The following CHAF1A variants were observed in gnomAD, a reference collection of about 807,000 sequenced individuals.
CHAF1A encodes the protein CAF-1 subunit A.
Under a neutral mutation model 93.2 loss-of-function variants are expected in CHAF1A, and 5 were observed. The ratio of observed to expected loss-of-function variants is 0.05; its 90% CI spans 0.03 to 0.11. CHAF1A has a LOEUF of 0.11. Ranked by LOEUF, CHAF1A falls within the 10% of genes least tolerant of loss-of-function variation. The probability of loss-of-function intolerance (pLI) is 1.00; values close to 1 mark genes in which losing one functional copy is unlikely to be tolerated. For synonymous variants in CHAF1A, 504 were observed against 510.3 expected, an observed-to-expected ratio of 0.99 and a Z score of 0.17; for missense variants, 1,102 against 1,259.9, an observed-to-expected ratio of 0.87 and a Z score of 1.90.
At chr19:4,447,468 C>G (rs571808725), downstream of CHAF1A, 5 of 1,493,780 alleles carry the variant, frequency 3.3e-6, no homozygotes, top group South Asian at 4.5e-5. Flanking sequence ...AGCCCACCGC[C>G]TGGTGTGGGC....
Position 4,433,223 on chromosome 19 carries a change from C to G in CHAF1A, c.2357C>G (p.Pro786Arg), listed in dbSNP as rs148090075. The G allele has an allele frequency of 3.1e-6, 5 of 1,614,184 alleles. No individual in the cohort carries two copies. The Admixed American group carries it at 6.7e-5, about 22-fold the overall frequency. The change falls in exon 13 of 15, where the codon CCC becomes CGC. Residue 786 changes from proline (P) to arginine (R), a missense_variant. By Grantham distance (103) the Pro-to-Arg change is moderately radical (BLOSUM62 -2). Coordinates refer to ENST00000301280, the MANE Select transcript of CHAF1A (RefSeq NM_005483.3). The surrounding 1 kb of genome is among the most constrained non-coding windows in gnomAD (Gnocchi z 5.6). ...PSTTYLHTPT[P>R]SEDAAIPSKS... is the part of the protein sequence containing the mutation. The stretch of plus-strand genomic sequence containing the variant: ...ACCACCTACCTGCACACCCCCACCC[C>G]CAGCGAGGATGCCGCCATCCCCTCT...
At chr19:4,406,337 G>C (rs114887306) in intron 2 of CHAF1A, among the ~76,000 whole-genome samples, 4 of 152,302 alleles carry the variant, frequency 2.6e-5, no homozygotes, top group South Asian at 4.1e-4. Flanking sequence ...CCCCCTCAGA[G>C]AACCACTGTT....
chr19:4,448,738 T>A, downstream of CHAF1A: 1 of 339,264 alleles, frequency 2.9e-6, no homozygotes. Context: ...TCGACCTCAG[T>A]GCTGAGATCC....
intron 4 of CHAF1A, among the ~76,000 whole-genome samples, chr19:4,420,821 C>T (rs1412783258): frequency 6.6e-6 from 1 of 152,098 alleles, no homozygotes; most frequent in Non-Finnish European, 1.5e-5. Flanking sequence ...GCCTGTAATC[C>T]TAGCACTTTG....
chr19:4,423,932 G>A, intron 7 of CHAF1A, 58 bp downstream of exon 7: 2 of 1,502,742 alleles, frequency 1.3e-6, no homozygotes. Flanking sequence ...TTTCCTTTCT[G>A]AAAGTGAAAG....
chr19:4,421,044 G>T (rs1427073077), intron 4 of CHAF1A, among the ~76,000 whole-genome samples: 3 of 152,130 alleles, frequency 2.0e-5, no homozygotes, highest in African/African-American at 7.2e-5. Flanking sequence ...TCCAGCCTGG[G>T]CACTAGAATG....
In CHAF1A at chr19:4,433,482, G is replaced by C; in HGVS notation, c.2616G>C (p.Lys872Asn). The C allele has an allele frequency of 6.3e-7, 1 of 1,596,950 alleles. No individual in the cohort carries two copies. The highest frequency in any genetic ancestry group is 8.6e-7 in the Non-Finnish European group (1 of 1,166,160). ...GCACTCCCATCTCGCTGAAGAGGAA[G>C]TCAGCGGGCAGCATGTGCATCACCC... ...SQGTPISLKR[K>N]SAGSMCITQF... Residue 872 changes from lysine to asparagine, a missense_variant, in exon 13 of 15, where the codon AAG (lysine) becomes AAC (asparagine). Coordinates refer to ENST00000301280, the MANE Select transcript of CHAF1A (RefSeq NM_005483.3). The surrounding 1 kb of genome is among the most constrained non-coding windows in gnomAD (Gnocchi z 5.6).
At chr19:4,416,919 C>T (rs550113416) in intron 3 of CHAF1A, among the ~76,000 whole-genome samples, 84 of 152,204 alleles carry the variant, frequency 5.5e-4, no homozygotes, top group Admixed American at 1.6e-3. Flanking sequence ...AAATAAAAAG[C>T]AGAGTTGAGC....
chr19:4,447,313 GA>G (rs1974554971), downstream of CHAF1A: 6 of 582,294 alleles, frequency 1.0e-5, no homozygotes, highest in East Asian at 1.1e-4. Context: ...TGAAGAGGAG[GA>G]AAAGGATGCA....
downstream of CHAF1A, chr19:4,445,917 T>C: frequency 7.1e-7 from 1 of 1,418,344 alleles, no homozygotes; most frequent in Non-Finnish European, 9.4e-7. Flanking sequence ...GAAAGCAGGA[T>C]TCAAACCCAG....
At chr19:4,430,698 G>A in intron 11 of CHAF1A, 57 bp downstream of exon 11, 1 of 1,592,606 alleles carries the variant, frequency 6.3e-7, no homozygotes, top group Non-Finnish European at 8.6e-7. Flanking sequence ...CTGGACTGGT[G>A]CTCAGTGGCC....
Position 4,408,965 on chromosome 19 carries a change from G to A in CHAF1A, c.166G>A (p.Asp56Asn), listed in dbSNP as rs61729782. Residue 56 changes from aspartate to asparagine, a missense_variant, in exon 3 of 15, where the codon GAT becomes AAT. Asp to Asn is a conservative substitution (Grantham distance 23). Coordinates refer to ENST00000301280, the MANE Select transcript of CHAF1A (RefSeq NM_005483.3). ...PKGKADDMSD[D>N]QGTSVQSKSP... ...GGGGAAAGCCGATGACATGTCAGAC[G>A]ATCAGGGTACTTCTGTGCAAAGTAA... is the stretch of plus-strand genomic sequence containing the variant. The A allele has an allele frequency of 3.1e-6, 5 of 1,614,044 alleles. No individual in the cohort carries two copies. Among genetic ancestry groups the A allele is most frequent in the South Asian group, 2.2e-5 (2 of 91,052 alleles).
intron 3 of CHAF1A, among the ~76,000 whole-genome samples, chr19:4,414,266 G>A (rs1016055092): frequency 6.6e-6 from 1 of 152,068 alleles, no homozygotes; most frequent in East Asian, 1.9e-4. Context: ...CGGGGCATGG[G>A]GGTGCACACC....
chr19:4,440,053 T>A lies in CHAF1A; in HGVS notation c.2674-2192T>A, dbSNP rs193029976. ...ACCCAGTCTGCCTGGCCAGGCACTG[T>A]GCTCTTACATGACAGCCCATGAAAC... On this transcript the variant is annotated intron_variant, in intron 13 of 14. Coordinates refer to ENST00000301280, the MANE Select transcript of CHAF1A (RefSeq NM_005483.3). Among the ~76,000 whole-genome samples, 28 of 152,332 alleles carry A rather than the reference T, an allele frequency of 1.8e-4. No individual in the cohort carries two copies. The East Asian group carries it at 5.4e-3, about 29-fold the overall frequency.
At chr19:4,417,267 G>A (rs551809826) in intron 3 of CHAF1A, among the ~76,000 whole-genome samples, 46 of 151,972 alleles carry the variant, frequency 3.0e-4, no homozygotes, top group Admixed American at 2.3e-3. Context: ...CACTGTGCCC[G>A]TCTGTGTCCA....
intron 14 of CHAF1A, 104 bp from the exon 15 acceptor site, chr19:4,442,821 G>A (rs867354654): frequency 5.0e-6 from 4 of 805,728 alleles, no homozygotes; most frequent in South Asian, 1.9e-5. Flanking sequence ...GGAGGGTCCC[G>A]CCCTGGGGTT....
In CHAF1A at chr19:4,405,869, T is replaced by C. The variant is rs185130355; in HGVS notation, c.53-43T>C. 2.5e-5 allele frequency: 40 copies of C among 1,573,086 alleles called. No individual in the cohort carries two copies. In the Admixed American group the frequency reaches 5.2e-4, roughly 20 times the overall value. ...CATATGTATTTGCTAACTTGATTAT[T>C]TGCAGAATTTAACAGTTTACCCTTT... On this transcript the variant is annotated intron_variant, in intron 1 of 14. Coordinates refer to ENST00000301280, the MANE Select transcript of CHAF1A (RefSeq NM_005483.3).
chr19:4,403,572 C>T (rs1312619361), intron 1 of CHAF1A, among the ~76,000 whole-genome samples: 1 of 152,278 alleles, frequency 6.6e-6, no homozygotes, highest in Non-Finnish European at 1.5e-5. Flanking sequence ...GTTTCTCAGC[C>T]TCAGCAGTGT....
chr19:4,423,809 A>C lies in CHAF1A; in HGVS notation c.1312A>C (p.Ile438Leu), dbSNP rs1974033571. 3 of 1,614,142 alleles carry C rather than the reference A, an allele frequency of 1.9e-6. No homozygotes were observed. Among genetic ancestry groups the C allele is most frequent in the Middle Eastern group, 1.7e-4 (1 of 6,060 alleles). ...TCACCATCTCTTAACATCACAGCGC[A>C]TTAAAGCAGAGAAGGCCGAAATCAC... ...EKRLREEEKR[I>L]KAEKAEITRF... Residue 438 changes from isoleucine (I) to leucine (L), a missense_variant, in exon 7 of 15, where the codon ATT (isoleucine) becomes CTT (leucine). Coordinates refer to ENST00000301280, the MANE Select transcript of CHAF1A (RefSeq NM_005483.3).
Sources: gnomAD v4.1 joint callset for allele counts (sites outside exome capture counted in the v4.1 genomes callset) on GRCh38, gnomAD v4.1.1 for gene constraint, Gnocchi (gnomAD v3.1) non-coding constraint, MANE v1.5 for transcripts, NCBI Gene and HGNC (gene_info 2026-07-23, HGNC 2026-07-21) for gene names.